The following XCL2 variants were observed in gnomAD, a reference collection of about 807,000 sequenced individuals.
The protein encoded by XCL2 is X-C motif chemokine ligand 2.
XCL2 carries 8 observed loss-of-function variants against 7.2 expected under a neutral mutation model. That is an observed-to-expected ratio of 1.10 (90% CI 0.65 to 1.99). The LOEUF (loss-of-function observed/expected upper bound fraction) is 1.99. Ranked by LOEUF, XCL2 falls within the 30% of genes most tolerant of loss-of-function variation. The pLI is 0.00. For missense variants in XCL2, 131 were observed against 138.6 expected (o/e 0.94, Z 0.28); for synonymous variants, 46 against 54.2 (o/e 0.85, Z 0.67).
Position 168,540,897 on chromosome 1 carries a change from G to A in XCL2, c.*55C>T, listed in dbSNP as rs1006847552. 6 of 1,596,714 alleles carry A rather than the reference G, an allele frequency of 3.8e-6. No individual in the cohort carries two copies. In the African/African-American group the frequency reaches 5.4e-5, roughly 14 times the overall value. On this transcript the variant is annotated 3_prime_UTR_variant, in exon 3 of 3. Transcript: ENST00000367819. ...AGGTGAGTATAATCTCAGTCCATGA[G>A]GGTGTAAAGTGAAATGAGCTGGCTG...
intron 1 of XCL2, chr1:168,543,293 G>A (rs1654331342): frequency 4.6e-6 from 1 of 219,126 alleles, no homozygotes; most frequent in Non-Finnish European, 9.1e-6. Flanking sequence ...CATTATCAAG[G>A]GGAAGGAAGG....
chr1:168,541,952 T>G, intron 2 of XCL2, 41 bp downstream of exon 2: 1 of 1,601,524 alleles, frequency 6.2e-7, no homozygotes. Context: ...TCTATACCTC[T>G]AGGTACCCAC....
rs112155342 is a variant in XCL2 at position 168,543,846 on chromosome 1, G to T, written c.61+58C>A. 3,634 of 1,606,030 alleles carry T rather than the reference G, an allele frequency of 2.3e-3. 40 individuals carry two copies. In the Middle Eastern group the frequency reaches 0.035, roughly 15 times the overall value. On this transcript the variant is annotated intron_variant, in intron 1 of 2. Transcript: ENST00000367819. ...TCAAAACCCGAGTCAAACCCAAAAT[G>T]TGTGCCCACCTGCCTTGCCTCCCTA...
chr1:168,542,538 C>T (rs1204617682), intron 1 of XCL2, among the ~76,000 whole-genome samples: 2 of 151,952 alleles, frequency 1.3e-5, no homozygotes, highest in Non-Finnish European at 2.9e-5. Context: ...AGGCAGCAGA[C>T]AGGCAAACAG....
In XCL2 at chr1:168,543,965, G is replaced by A. The variant is rs1485700684; in HGVS notation, c.-1C>T. The A allele has an allele frequency of 6.2e-7, 1 of 1,606,906 alleles. No individual in the cohort carries two copies. The highest frequency in any genetic ancestry group is 8.5e-7 in the Non-Finnish European group (1 of 1,176,912). ...GGAGGGCCAGGATGAGAAGTCTCAT[G>A]GCTGAGGTCCCGCTGAGCTGTGCAG... is the stretch of plus-strand genomic sequence containing the variant. On this transcript the variant is annotated 5_prime_UTR_variant, in exon 1 of 3. Coordinates refer to ENST00000367819, the MANE Select transcript of XCL2 (RefSeq NM_003175.4).
chr1:168,540,923 G>T lies in XCL2; in HGVS notation c.*29C>A. The stretch of plus-strand genomic sequence containing the variant: ...GGTGTAAAGTGAAATGAGCTGGCTG[G>T]CTGGAGACGGACAGGGTGCCAGAGA... On this transcript the variant is annotated 3_prime_UTR_variant, in exon 3 of 3. Transcript: ENST00000367819. 1 of 1,609,362 alleles carries T rather than the reference G, an allele frequency of 6.2e-7. No homozygotes were observed. Among genetic ancestry groups the T allele is most frequent in the Non-Finnish European group, 8.5e-7 (1 of 1,176,320 alleles).
chr1:168,540,901 G>T lies in XCL2; in HGVS notation c.*51C>A. 1 of 1,601,660 alleles carries T rather than the reference G, an allele frequency of 6.2e-7. No homozygotes were observed. The highest frequency in any genetic ancestry group is 8.5e-7 in the Non-Finnish European group (1 of 1,171,800). The stretch of plus-strand genomic sequence containing the variant: ...GAGTATAATCTCAGTCCATGAGGGT[G>T]TAAAGTGAAATGAGCTGGCTGGCTG... On this transcript the variant is annotated 3_prime_UTR_variant, in exon 3 of 3. Coordinates refer to ENST00000367819, the MANE Select transcript of XCL2 (RefSeq NM_003175.4).
At position 168,541,014 on chromosome 1, in the gene XCL2, T is replaced by A. The variant is rs1389986464; in HGVS notation, c.283A>T (p.Ile95Phe). The change falls in exon 3 of 3, where the codon ATC becomes TTC. Residue 95 changes from isoleucine to phenylalanine, a missense_variant. Physicochemically the swap from Ile to Phe is conservative, Grantham distance 21. Transcript: ENST00000367819. ...DRKSNTRNNMIQTKPTGTQQS... is the reference protein window; with the variant it reads ...DRKSNTRNNMFQTKPTGTQQS... ...TGGGTTCCTGTTGGCTTGGTCTGGA[T>A]CATGTTATTTCTGGTGTTGGATTTC... 1 of 1,613,668 alleles carries A rather than the reference T, an allele frequency of 6.2e-7. No individual in the cohort carries two copies.
At chr1:168,541,930 A>G (rs1253633315) in intron 2 of XCL2, 63 bp downstream of exon 2, 13 of 1,502,784 alleles carry the variant, frequency 8.7e-6, no homozygotes, top group Non-Finnish European at 1.2e-5. Flanking sequence ...CAGCATTTCT[A>G]TAGAGTGTAT....
intron 2 of XCL2, among the ~76,000 whole-genome samples, chr1:168,541,393 C>G (rs757350136): frequency 1.3e-5 from 2 of 152,124 alleles, no homozygotes; most frequent in Non-Finnish European, 2.9e-5. Context: ...AACAAAAAGA[C>G]ATTTGAGGCC....
chr1:168,543,857 T>A, intron 1 of XCL2, 47 bp downstream of exon 1: 1 of 1,599,922 alleles, frequency 6.3e-7, no homozygotes. Context: ...TGTGCCCACC[T>A]GCCTTGCCTC....
At chr1:168,542,435 C>T (rs180923118) in intron 1 of XCL2, among the ~76,000 whole-genome samples, 55 of 152,216 alleles carry the variant, frequency 3.6e-4, no homozygotes, top group African/African-American at 1.2e-3. Context: ...CGCATTCATT[C>T]ATTTATACAA....
At chr1:168,541,639 A>T (rs1469095779) in intron 2 of XCL2, among the ~76,000 whole-genome samples, 1 of 152,110 alleles carries the variant, frequency 6.6e-6, no homozygotes. Context: ...ACTCTGCCTA[A>T]CTCAACCCTA....
At chr1:168,541,967 C>G (rs116168093) in intron 2 of XCL2, 26 bp downstream of exon 2, 24,230 of 1,608,154 alleles carry the variant, frequency 0.015, 252 homozygotes, top group African/African-American at 0.055. Context: ...ACCCACCCAG[C>G]CCAACTTCTG....
Position 168,541,122 on chromosome 1 carries a change from T to C in XCL2, c.177-2A>G. The C allele has an allele frequency of 6.2e-7, 1 of 1,613,280 alleles. No homozygotes were observed. The highest frequency in any genetic ancestry group is 8.5e-7 in the Non-Finnish European group (1 of 1,179,428). On this transcript the variant is annotated splice_acceptor_variant, in intron 2 of 2. Transcript: ENST00000367819. LOFTEE classifies it high-confidence loss of function. The stretch of plus-strand genomic sequence containing the variant: ...TTTAGGCCACGTTTGGTAATAAAAC[T>C]GTAACGCAAGGAAAAGACAGATGAA...
At chr1:168,541,814 G>A (rs1039746544) in intron 2 of XCL2, among the ~76,000 whole-genome samples, 179 bp downstream of exon 2, 6 of 152,076 alleles carry the variant, frequency 3.9e-5, no homozygotes, top group Non-Finnish European at 8.8e-5. Context: ...TGCAATAATC[G>A]CTATTCGGTT....
Position 168,542,006 on chromosome 1 carries a change from A to G in XCL2, c.163T>C (p.Leu55=), listed in dbSNP as rs762052390. Residue 55 remains leucine (L), a synonymous_variant, in exon 2 of 3, where the codon TTG becomes CTG. Transcript: ENST00000367819. ...AGGCAGACTCACATTACTGCTCTCA[A>G]GGAGCCTTCCGTGATGGTGTAGGTC... ...IKTYTITEGS[L]RAVIFITKRG... The G allele has an allele frequency of 2.5e-6, 4 of 1,611,074 alleles. No individual in the cohort carries two copies. Among genetic ancestry groups the G allele is most frequent in the Non-Finnish European group, 3.4e-6 (4 of 1,178,540 alleles).
In XCL2 at chr1:168,541,080, G is replaced by T; in HGVS notation, c.217C>A (p.Gln73Lys). Reference sequence around the variant, plus strand: ...ACCACGTCTCTCACCCACGTGGCTTGTGGATCAGCACAGACTTTTAGGCCA... The same window carrying T: ...ACCACGTCTCTCACCCACGTGGCTTTTGGATCAGCACAGACTTTTAGGCCA... ...KRGLKVCADPQATWVRDVVRS... is the reference protein window; with the variant it reads ...KRGLKVCADPKATWVRDVVRS... The change falls in exon 3 of 3, where the codon CAA becomes AAA. Residue 73 changes from glutamine to lysine, a missense_variant. Physicochemically the swap from Gln to Lys is moderately conservative, Grantham distance 53. Transcript: ENST00000367819. 1.9e-6 allele frequency: 3 copies of T among 1,613,694 alleles called. No homozygotes were observed. The highest frequency in any genetic ancestry group is 1.7e-5 in the Admixed American group (1 of 59,948).
chr1:168,543,272 G>A, intron 1 of XCL2: 1 of 211,652 alleles, frequency 4.7e-6, no homozygotes, highest in East Asian at 1.7e-4. Flanking sequence ...TAAAATGGGG[G>A]TCCCTTATTG....
Sources: allele counts gnomAD v4.1 joint callset (sites outside exome capture counted in the v4.1 genomes callset), GRCh38; gene constraint gnomAD v4.1.1; transcripts MANE v1.5; gene names NCBI Gene and HGNC (gene_info 2026-07-23, HGNC 2026-07-21).